Variants in HHLA1 observed in about 807,000 individuals in gnomAD.
The protein encoded by HHLA1 is HERV-H LTR-associating protein 1.
Under a neutral mutation model 69.9 loss-of-function variants are expected in HHLA1, and 72 were observed. The observed-to-expected ratio is 1.03, with a 90% CI of 0.85 to 1.25. HHLA1 has a LOEUF of 1.25. Among genes scored for constraint, HHLA1 ranks in the 50% most tolerant of loss-of-function variants. The pLI is 0.00. For missense variants in HHLA1, 685 were observed against 642.2 expected (o/e 1.07, Z -0.72); for synonymous variants, 252 against 233.2 (o/e 1.08, Z -0.73).
Position 132,095,589 on chromosome 8 carries a change from CT to C in HHLA1, c.377del (p.Lys126ArgfsTer3). 6.5e-7 allele frequency: 1 copy of C among 1,548,150 alleles called. No individual in the cohort carries two copies. The highest frequency in any genetic ancestry group is 8.7e-7 in the Non-Finnish European group (1 of 1,143,684). On this transcript the variant is annotated frameshift_variant, in exon 7 of 17. Transcript: ENST00000414222. LOFTEE classifies it high-confidence loss of function. ...SVAVYNISNL[K>X]TVDPAKFPTR... ...TGGGGAATTTGGCGGGGTCTACTGTCTTCAGGTTAGAAACTGTGAAGAGAAA... is the reference window on the plus strand; with the variant it reads ...TGGGGAATTTGGCGGGGTCTACTGTCTCAGGTTAGAAACTGTGAAGAGAAA...
At chr8:132,081,608 C>T (rs1245337969) in intron 10 of HHLA1, among the ~76,000 whole-genome samples, 4 of 152,172 alleles carry the variant, frequency 2.6e-5, no homozygotes, top group Non-Finnish European at 2.9e-5. Context: ...GGAATTATGT[C>T]TGACAGAACA....
At chr8:132,078,021 C>G in intron 11 of HHLA1, 50 bp from the exon 12 acceptor site, 2 of 1,535,854 alleles carry the variant, frequency 1.3e-6, no homozygotes, top group Non-Finnish European at 1.8e-6. Context: ...TTGACCACTT[C>G]GATTCAGACA....
In HHLA1 at chr8:132,076,122, G is replaced by C; in HGVS notation, c.1248C>G (p.Leu416=). Residue 416 remains leucine, a synonymous_variant, in exon 14 of 17, where the codon CTC becomes CTG. Coordinates refer to ENST00000414222, the MANE Select transcript of HHLA1 (RefSeq NM_001145095.3). ...CAGCAGTGAATGGCCACTCTGCAGA[G>C]AGATCACCTGCAAAGGGCAGGAATG... is the stretch of plus-strand genomic sequence containing the variant. ...TAPRYPQTGD[L]SAEWPFTAGE... The C allele has an allele frequency of 6.4e-7, 1 of 1,550,646 alleles. No individual in the cohort carries two copies. The highest frequency in any genetic ancestry group is 8.7e-7 in the Non-Finnish European group (1 of 1,146,452).
intron 14 of HHLA1, among the ~76,000 whole-genome samples, chr8:132,074,866 AATAG>A (rs1289601285): frequency 1.3e-5 from 2 of 152,208 alleles, no homozygotes; most frequent in Non-Finnish European, 2.9e-5. Context: ...TAGGTTAATA[AATAG>A]ATAGATATGG....
At chr8:132,072,787 GT>G (rs1330793946) in intron 14 of HHLA1, among the ~76,000 whole-genome samples, 1 of 152,140 alleles carries the variant, frequency 6.6e-6, no homozygotes, top group Non-Finnish European at 1.5e-5. Context: ...CTAGCAAGGG[GT>G]AGATGTTAAC....
rs561096835 is a variant in HHLA1 at position 132,077,923 on chromosome 8, G to A, written c.974C>T (p.Thr325Met). 4.0e-5 allele frequency: 62 copies of A among 1,551,576 alleles called. No homozygotes were observed. The East Asian group carries it at 9.3e-4, about 23-fold the overall frequency. ...RTQWLTADRQ[T>M]WASISSVPWA... The stretch of plus-strand genomic sequence containing the variant: ...GGGCACGGACGATATGGAAGCCCAC[G>A]TCTGTCTGTCAGCTGTCAACCACTG... The change falls in exon 12 of 17, where the codon ACG becomes ATG. Residue 325 changes from threonine to methionine, a missense_variant. By Grantham distance (81) the Thr-to-Met change is moderately conservative. Transcript: ENST00000414222.
chr8:132,079,876 T>C lies in HHLA1; in HGVS notation c.767A>G (p.Gln256Arg), dbSNP rs994787244. 1 of 1,552,154 alleles carries C rather than the reference T, an allele frequency of 6.4e-7. No individual in the cohort carries two copies. The highest frequency in any genetic ancestry group is 8.7e-7 in the Non-Finnish European group (1 of 1,147,076). The change falls in exon 11 of 17, where the codon CAG (glutamine) becomes CGG (arginine). Residue 256 changes from glutamine to arginine, a missense_variant. Gln to Arg is a conservative substitution (Grantham distance 43). Transcript: ENST00000414222. ...CAGAGCAGATGCCCAGGGTGTGCTC[T>C]GGGTCCAGTGTCCGGGGCTTGTACT... is the stretch of plus-strand genomic sequence containing the variant. ...LPSTSPGHWT[Q>R]STPWASALRS...
At chr8:132,087,941 G>T (rs557145653) in intron 8 of HHLA1, 40 bp from the exon 9 acceptor site, 9 of 1,423,284 alleles carry the variant, frequency 6.3e-6, no homozygotes, top group Middle Eastern at 1.8e-4. Flanking sequence ...TTAGCCATGG[G>T]TCTGAAGCTG....
chr8:132,081,151 C>CA (rs56128608), intron 10 of HHLA1: 1 of 152,036 alleles, frequency 6.6e-6, no homozygotes, highest in African/African-American at 2.4e-5. Context: ...TGATGGCTTG[C>CA]AAAAAAACAG....
At chr8:132,070,695 A>T (rs748815756) in intron 15 of HHLA1, among the ~76,000 whole-genome samples, 2 of 151,458 alleles carry the variant, frequency 1.3e-5, no homozygotes, top group Non-Finnish European at 2.9e-5. Flanking sequence ...ACTCAACTCA[A>T]CTCATCTCAA....
chr8:132,076,994 T>C (rs902660944), intron 12 of HHLA1, among the ~76,000 whole-genome samples: 1 of 152,182 alleles, frequency 6.6e-6, no homozygotes, highest in Non-Finnish European at 1.5e-5. Context: ...ACAATTTTTG[T>C]ATCATGTTCA....
intron 10 of HHLA1, among the ~76,000 whole-genome samples, chr8:132,083,146 G>C (rs147552196): frequency 0.16 from 23,695 of 151,790 alleles, 2,419 homozygotes; most frequent in Middle Eastern, 0.27. Context: ...GGGTGGCAAT[G>C]AGATATAGCT....
chr8:132,098,587 G>A (rs559033201), intron 5 of HHLA1, among the ~76,000 whole-genome samples: 2 of 152,038 alleles, frequency 1.3e-5, no homozygotes, highest in East Asian at 3.9e-4. Context: ...TCAGCCTCCC[G>A]AGTAGCTGGG....
At chr8:132,100,184 A>AC (rs1243192931) in intron 3 of HHLA1, 50 bp from the exon 4 acceptor site, 16 of 1,362,764 alleles carry the variant, frequency 1.2e-5, no homozygotes, top group Non-Finnish European at 1.0e-5. Context: ...TCCAGTTCCT[A>AC]CCCCCAGGAA....
Position 132,079,737 on chromosome 8 carries a change from G to C in HHLA1, c.906C>G (p.Ser302=). 1 of 1,550,562 alleles carries C rather than the reference G, an allele frequency of 6.4e-7. No individual in the cohort carries two copies. The highest frequency in any genetic ancestry group is 1.2e-5 in the South Asian group (1 of 83,888). The change falls in exon 11 of 17, where the codon TCC becomes TCG. Residue 302 remains serine (S), a synonymous_variant. Coordinates refer to ENST00000414222, the MANE Select transcript of HHLA1 (RefSeq NM_001145095.3). The part of the protein sequence containing the change: ...ARATATWFSA[S]HTLPALATRR... ...TCTTACCCAAGGCTGGGAGAGTGTG[G>C]GAGGCACTGAACCATGTGGCTGTGG...
chr8:132,089,474 C>T (rs1563746176), intron 8 of HHLA1, 42 bp downstream of exon 8: 2 of 1,060,302 alleles, frequency 1.9e-6, no homozygotes, highest in East Asian at 2.6e-5. Context: ...ACAACAGATG[C>T]TAAACCTCAA....
chr8:132,095,875 A>G lies in HHLA1; in HGVS notation c.281-89T>C. On this transcript the variant is annotated intron_variant, in intron 5 of 16. Transcript: ENST00000414222. ...AGTAAACAGTCCCTAGAAATTAACA[A>G]TGCCAATAAAGAAACCAATGATGAA... is the stretch of plus-strand genomic sequence containing the variant. The G allele has an allele frequency of 4.5e-6, 3 of 673,748 alleles. No individual in the cohort carries two copies. In the East Asian group the frequency reaches 8.4e-5, roughly 19 times the overall value. 41.7% of individuals were successfully genotyped at this position (673,748 alleles called of 1,614,324 possible).
At chr8:132,105,416 G>A (rs1354937815) in intron 1 of HHLA1, 130 bp from the exon 2 acceptor site, 16 of 650,138 alleles carry the variant, frequency 2.5e-5, no homozygotes, top group South Asian at 7.4e-5. Flanking sequence ...GAGAGGTTAG[G>A]AAGCTAAGGT....
chr8:132,075,526 A>C (rs1823619713), intron 14 of HHLA1, among the ~76,000 whole-genome samples: 1 of 152,240 alleles, frequency 6.6e-6, no homozygotes, highest in Admixed American at 6.5e-5. Context: ...ATCCATGAGA[A>C]TTAACTGTGC....
Sources: allele counts gnomAD v4.1 joint callset (sites outside exome capture counted in the v4.1 genomes callset), GRCh38; gene constraint gnomAD v4.1.1; transcripts MANE v1.5; gene names NCBI Gene and HGNC (gene_info 2026-07-23, HGNC 2026-07-21).